The following PARM1 variants were observed in gnomAD, a reference collection of about 807,000 sequenced individuals.
The protein encoded by PARM1 is prostate androgen-regulated mucin-like protein 1.
In PARM1, 14 loss-of-function variants were observed where a neutral mutation model predicts 24.6. The observed-to-expected ratio is 0.57, with a 90% CI of 0.38 to 0.89. The LOEUF is 0.89. Ranked by LOEUF, PARM1 falls within the 40% of genes least tolerant of loss-of-function variation. The probability of loss-of-function intolerance (pLI) is 0.00; values close to 1 mark genes in which losing one functional copy is unlikely to be tolerated. For missense variants in PARM1, 362 were observed against 380.4 expected (o/e 0.95, Z 0.40); for synonymous variants, 179 against 156.6 (o/e 1.14, Z -1.07).
intron 1 of PARM1, among the ~76,000 whole-genome samples, chr4:74,947,114 G>A (rs760910527): frequency 5.3e-5 from 8 of 152,172 alleles, no homozygotes; most frequent in Non-Finnish European, 1.2e-4. Context: ...CCAACACCGT[G>A]GAGTGTGATG....
At chr4:75,017,700 G>A (rs764350916) in intron 2 of PARM1, among the ~76,000 whole-genome samples, 63 of 152,194 alleles carry the variant, frequency 4.1e-4, no homozygotes, top group Non-Finnish European at 8.7e-4. Context: ...ATGCCACCAT[G>A]AAAGCAAGGA....
rs1723467082 is a variant in PARM1 at position 75,040,773 on chromosome 4, A to T, written c.849-5390A>T. ...AAAATCATTCCAACATACAAAGTTTATTTTTTTTAAATTATGACTCAGTAG... is the reference window on the plus strand; with the variant it reads ...AAAATCATTCCAACATACAAAGTTTTTTTTTTTTAAATTATGACTCAGTAG... On this transcript the variant is annotated intron_variant, in intron 3 of 3. Transcript: ENST00000307428. Among the ~76,000 whole-genome samples, 4 of 152,118 alleles carry T rather than the reference A, an allele frequency of 2.6e-5. No homozygotes were observed. In the East Asian group the frequency reaches 7.7e-4, roughly 29 times the overall value.
rs1362329406 is a variant in PARM1 at position 74,963,033 on chromosome 4, C to T, written c.43+29663C>T. 5.3e-5 allele frequency among the ~76,000 whole-genome samples: 8 copies of T among 152,304 alleles called. No individual in the cohort carries two copies. The East Asian group carries it at 5.8e-4, about 11-fold the overall frequency. The stretch of plus-strand genomic sequence containing the variant: ...TCACAAGATCTGATGGTTTTATAAG[C>T]GTCTGGCATTTTCTCTGCTAGCACT... On this transcript the variant is annotated intron_variant, in intron 1 of 3. Transcript: ENST00000307428.
intron 1 of PARM1, among the ~76,000 whole-genome samples, chr4:74,985,936 T>C (rs1207282495): frequency 1.3e-4 from 20 of 152,138 alleles, no homozygotes; most frequent in Admixed American, 1.3e-3. Flanking sequence ...GCCCGGCTAA[T>C]TTTTATATTT....
At chr4:74,988,078 T>A (rs1221553872) in intron 1 of PARM1, among the ~76,000 whole-genome samples, 1 of 152,110 alleles carries the variant, frequency 6.6e-6, no homozygotes. Context: ...GGAGATACAT[T>A]TACACAGCTA....
chr4:75,045,159 C>T (rs541592668), intron 3 of PARM1, among the ~76,000 whole-genome samples: 2 of 152,214 alleles, frequency 1.3e-5, no homozygotes, highest in East Asian at 1.9e-4. Flanking sequence ...GACAATTGTT[C>T]CAAGCCAAGG....
chr4:75,043,604 A>AT (rs1281058283), intron 3 of PARM1, among the ~76,000 whole-genome samples: 1 of 152,208 alleles, frequency 6.6e-6, no homozygotes, highest in Admixed American at 6.5e-5. Context: ...GAGCATGTTT[A>AT]TTGAGTATAT....
intron 3 of PARM1, among the ~76,000 whole-genome samples, chr4:75,037,377 T>G (rs1035687875): frequency 1.3e-5 from 2 of 152,194 alleles, no homozygotes; most frequent in Non-Finnish European, 2.9e-5. Context: ...AGAATCTGCT[T>G]GAAAAGGCAG....
At chr4:74,959,463 C>T (rs1250609257) in intron 1 of PARM1, among the ~76,000 whole-genome samples, 1 of 152,208 alleles carries the variant, frequency 6.6e-6, no homozygotes, top group Non-Finnish European at 1.5e-5. Flanking sequence ...ATGTTCCACT[C>T]AGCCACCTTT....
intron 1 of PARM1, among the ~76,000 whole-genome samples, chr4:74,940,044 GTTTTT>G (rs368052208): frequency 6.6e-6 from 1 of 152,022 alleles, no homozygotes; most frequent in Admixed American, 6.6e-5. Context: ...TTATCTGTGT[GTTTTT>G]TTTGTTTTGT....
chr4:74,952,687 A>T (rs1241076437), intron 1 of PARM1, among the ~76,000 whole-genome samples: 1 of 152,208 alleles, frequency 6.6e-6, no homozygotes, highest in Non-Finnish European at 1.5e-5. Flanking sequence ...TCTTCTTCTC[A>T]GTTCTGTGTA....
At chr4:74,985,855 A>G (rs1578039827) in intron 1 of PARM1, among the ~76,000 whole-genome samples, 1 of 151,798 alleles carries the variant, frequency 6.6e-6, no homozygotes. Flanking sequence ...TGCAACCTCC[A>G]CCTCCCAGGT....
At chr4:74,990,827 T>C (rs1722453374) in intron 1 of PARM1, among the ~76,000 whole-genome samples, 1 of 152,182 alleles carries the variant, frequency 6.6e-6, no homozygotes, top group African/African-American at 2.4e-5. Flanking sequence ...TCCAGTGTTA[T>C]AAAGTTGCCA....
At chr4:74,935,275 A>C (rs958510330) in intron 1 of PARM1, among the ~76,000 whole-genome samples, 2 of 152,176 alleles carry the variant, frequency 1.3e-5, no homozygotes, top group African/African-American at 4.8e-5. Flanking sequence ...GCTAATGGAC[A>C]CTGCATTCCC....
At position 75,046,762 on chromosome 4, in the gene PARM1, C is replaced by T. The variant is rs1274699182; in HGVS notation, c.*515C>T. On this transcript the variant is annotated 3_prime_UTR_variant, in exon 4 of 4. Transcript: ENST00000307428. ...TCTCTATTTATCTGGTTGTTTCTGA[C>T]AGGATGCTGCCTGCTTGGCTCTACA... is the stretch of plus-strand genomic sequence containing the variant. The T allele has an allele frequency of 6.6e-6, 1 of 152,544 alleles. No individual in the cohort carries two copies. Among genetic ancestry groups the T allele is most frequent in the Non-Finnish European group, 1.5e-5 (1 of 68,290 alleles). The allele number at this position is 152,544 out of a possible 1,614,324, so 9.4% of individuals were successfully genotyped here. A position where few individuals can be genotyped will look rare whatever the true frequency, so the allele number is the denominator to read the frequency against.
chr4:75,046,592 T>C lies in PARM1; in HGVS notation c.*345T>C. The C allele has an allele frequency of 5.1e-6, 1 of 196,644 alleles. No homozygotes were observed. The highest frequency in any genetic ancestry group is 1.0e-5 in the Non-Finnish European group (1 of 95,698). 12.2% of individuals were successfully genotyped at this position (196,644 alleles called of 1,614,324 possible). ...TTTGGGTTGTTTTGTTAGGGGTTAC[T>C]TTCAGGGGAACATTTCATTTGTGTT... is the stretch of plus-strand genomic sequence containing the variant. On this transcript the variant is annotated 3_prime_UTR_variant, in exon 4 of 4. Transcript: ENST00000307428.
In PARM1 at chr4:75,012,629, T is replaced by G. The variant is rs752611451; in HGVS notation, c.248T>G (p.Ile83Arg). ...PTSLLPKNIS[I>R]ESREEEITSP... ...TCTCTGCTTCCTAAGAACATTTCCA[T>G]AGAGTCCAGAGAAGAGGAGATCACC... is the stretch of plus-strand genomic sequence containing the variant. Residue 83 changes from isoleucine to arginine, a missense_variant, in exon 2 of 4, where the codon ATA becomes AGA. By Grantham distance (97) the Ile-to-Arg change is moderately conservative. Transcript: ENST00000307428. 1.2e-6 allele frequency: 2 copies of G among 1,613,912 alleles called. No homozygotes were observed. The highest frequency in any genetic ancestry group is 1.7e-6 in the Non-Finnish European group (2 of 1,179,860).
At chr4:74,958,386 G>A (rs558765833) in intron 1 of PARM1, among the ~76,000 whole-genome samples, 1 of 152,314 alleles carries the variant, frequency 6.6e-6, no homozygotes, top group South Asian at 2.1e-4. Flanking sequence ...CTGTGTGCTG[G>A]AGGTATGAAT....
At chr4:75,027,571 C>A (rs1327059546) in intron 2 of PARM1, among the ~76,000 whole-genome samples, 1 of 152,156 alleles carries the variant, frequency 6.6e-6, no homozygotes, top group Non-Finnish European at 1.5e-5. Context: ...CACTACCACC[C>A]CACTAGAAGC....
Sources: gnomAD v4.1 joint callset for allele counts (sites outside exome capture counted in the v4.1 genomes callset) on GRCh38, gnomAD v4.1.1 for gene constraint, MANE v1.5 for transcripts, NCBI Gene and HGNC (gene_info 2026-07-23, HGNC 2026-07-21) for gene names.